Variants in KMT5C observed in about 807,000 individuals in gnomAD.
The protein encoded by KMT5C is lysine methyltransferase 5C, also known as histone-lysine N-methyltransferase KMT5C.
In KMT5C, 16 loss-of-function variants were observed where a neutral mutation model predicts 38.2. The observed-to-expected ratio is 0.42, with a 90% confidence interval of 0.28 to 0.64. The LOEUF (loss-of-function observed/expected upper bound fraction) is 0.64, where lower values mean the gene tolerates loss of function less well. Ranked by LOEUF, KMT5C falls within the 30% of genes least tolerant of loss-of-function variation. The pLI, the probability that KMT5C is intolerant of heterozygous loss-of-function variation, is 0.23. For missense variants in KMT5C, 598 were observed against 665.1 expected, an observed-to-expected ratio of 0.90 and a Z score of 1.11; for synonymous variants, 291 against 279.0, an observed-to-expected ratio of 1.04 and a Z score of -0.43.
rs1569022774 is a variant in KMT5C at position 55,347,028 on chromosome 19, T to C, written c.968T>C (p.Leu323Pro). ...ACCTCACCCCTCTGGCTCCAGTGGC[T>C]GCCTCAGCCCCAGCCCCGAGTGCGG... ...PDTSPLWLQW[L>P]PQPQPRVRPR... Residue 323 changes from leucine (L) to proline (P), a missense_variant, in exon 9 of 9, where the codon CTG (leucine) becomes CCG (proline). Transcript: ENST00000255613. This position sits in a 1 kb window ranked among gnomAD's most constrained non-coding sequence, Gnocchi z 4.6. 7 of 1,488,592 alleles carry C rather than the reference T, an allele frequency of 4.7e-6. No individual in the cohort carries two copies. The South Asian group carries it at 7.9e-5, about 17-fold the overall frequency. 92.2% of individuals were successfully genotyped at this position (1,488,592 alleles called of 1,614,324 possible).
At position 55,347,300 on chromosome 19, in the gene KMT5C, C is replaced by G. The variant is rs570501553; in HGVS notation, c.1240C>G (p.Pro414Ala). Residue 414 changes from proline (P) to alanine (A), a missense_variant, in exon 9 of 9, where the codon CCA (proline) becomes GCA (alanine). Pro to Ala is a conservative substitution (Grantham distance 27). Transcript: ENST00000255613. This position sits in a 1 kb window ranked among gnomAD's most constrained non-coding sequence, Gnocchi z 4.6. ...CCTTCGTCGCCTGGCCCCAGCCCCACCAGCTACCCCAGCCCCTGCTGGGAC... is the reference window on the plus strand; with the variant it reads ...CCTTCGTCGCCTGGCCCCAGCCCCAGCAGCTACCCCAGCCCCTGCTGGGAC... Reference protein sequence around the residue: ...VDLRRLAPAPPATPAPAGTPG... With the variant: ...VDLRRLAPAPAATPAPAGTPG... 1 of 1,569,408 alleles carries G rather than the reference C, an allele frequency of 6.4e-7. No homozygotes were observed. Among genetic ancestry groups the G allele is most frequent in the Non-Finnish European group, 8.6e-7 (1 of 1,160,758 alleles).
In KMT5C at chr19:55,347,058, G is replaced by C. The variant is rs572546578; in HGVS notation, c.998G>C (p.Arg333Pro). ...CAGCCCCAGCCCCGAGTGCGGCCCC[G>C]GAAGCGCCGACGCCCCCGGCCCCGG... The part of the protein sequence containing the change: ...LPQPQPRVRP[R>P]KRRRPRPRRA... Residue 333 changes from arginine to proline, a missense_variant, in exon 9 of 9, where the codon CGG becomes CCG. Physicochemically the swap from Arg to Pro is moderately radical, Grantham distance 103. Transcript: ENST00000255613. This position sits in a 1 kb window ranked among gnomAD's most constrained non-coding sequence, Gnocchi z 4.6. The C allele has an allele frequency of 2.5e-6, 4 of 1,578,520 alleles. No individual in the cohort carries two copies. In the Admixed American group the frequency reaches 6.8e-5, roughly 27 times the overall value.
At chr19:55,341,022 T>C (rs1412494623) in intron 1 of KMT5C, among the ~76,000 whole-genome samples, 1 of 151,974 alleles carries the variant, frequency 6.6e-6, no homozygotes, top group Non-Finnish European at 1.5e-5. Flanking sequence ...CTGCCCCATC[T>C]CCTCCTCTCC....
In KMT5C at chr19:55,343,770, C is replaced by T. The variant is rs1225373864; in HGVS notation, c.477C>T (p.Asp159=). Residue 159 remains aspartate (D), a synonymous_variant, in exon 5 of 9, where the codon GAC becomes GAT. Transcript: ENST00000255613. The surrounding 1 kb of genome is among the most constrained non-coding windows in gnomAD (Gnocchi z 5.5). ...GGCTGCTGAGGGCCGGTGAGAATGA[C>T]TTCAGCATCATGTACTCAACCCGCA... The part of the protein sequence containing the change: ...DEGLLRAGEN[D]FSIMYSTRKR... The T allele has an allele frequency of 2.7e-5, 44 of 1,610,934 alleles. No homozygotes were observed. The highest frequency in any genetic ancestry group is 3.6e-5 in the Non-Finnish European group (42 of 1,178,706).
chr19:55,343,752 G>T lies in KMT5C; in HGVS notation c.459G>T (p.Leu153=). The T allele has an allele frequency of 6.2e-7, 1 of 1,600,986 alleles. No individual in the cohort carries two copies. The highest frequency in any genetic ancestry group is 2.3e-5 in the East Asian group (1 of 44,150). ...TGCGGGAGGCAGATGAGGGGCTGCT[G>T]AGGGCCGGTGAGAATGACTTCAGCA... ...AELREADEGL[L]RAGENDFSIM... is the part of the protein sequence containing the mutation. The change falls in exon 5 of 9, where the codon CTG becomes CTT. Residue 153 remains leucine, a synonymous_variant. Transcript: ENST00000255613. This position sits in a 1 kb window ranked among gnomAD's most constrained non-coding sequence, Gnocchi z 5.5.
chr19:55,344,259 G>A, intron 6 of KMT5C: 1 of 354,574 alleles, frequency 2.8e-6, no homozygotes, highest in Non-Finnish European at 5.3e-6. Flanking sequence ...CTACTTGGGA[G>A]GCTGAGGCAG....
At chr19:55,341,704 G>A in intron 1 of KMT5C, 90 bp from the exon 2 acceptor site, 1 of 570,204 alleles carries the variant, frequency 1.8e-6, no homozygotes, top group Non-Finnish European at 3.1e-6. Context: ...ACATGGCTCT[G>A]GGCTTTCCCT....
chr19:55,343,867 G>A lies in KMT5C; in HGVS notation c.550+24G>A. On this transcript the variant is annotated intron_variant, in intron 5 of 8. Transcript: ENST00000255613. The surrounding 1 kb of genome is among the most constrained non-coding windows in gnomAD (Gnocchi z 5.5). Reference sequence around the variant, plus strand: ...TGGTGAGGGTCAGGCAGGTGGATGGGCAGGACGGGATAGAGCCAGGCAGGG... The same window carrying A: ...TGGTGAGGGTCAGGCAGGTGGATGGACAGGACGGGATAGAGCCAGGCAGGG... The A allele has an allele frequency of 6.2e-7, 1 of 1,612,952 alleles. No homozygotes were observed. Among genetic ancestry groups the A allele is most frequent in the Non-Finnish European group, 8.5e-7 (1 of 1,179,222 alleles).
At chr19:55,342,106 C>T (rs2089564175) in intron 2 of KMT5C, 60 bp downstream of exon 2, 1 of 1,574,466 alleles carries the variant, frequency 6.4e-7, no homozygotes, top group Non-Finnish European at 8.7e-7. Context: ...CCTTGCACCG[C>T]TGCCGCCCCT....
At chr19:55,344,511 C>T (rs974455481) in intron 6 of KMT5C, 2 of 365,162 alleles carry the variant, frequency 5.5e-6, no homozygotes, top group Non-Finnish European at 1.1e-5. Flanking sequence ...GCTGTTTGTG[C>T]AGTTGCACTG....
chr19:55,344,245 T>C (rs911659282), intron 6 of KMT5C: 3 of 371,104 alleles, frequency 8.1e-6, no homozygotes, highest in Non-Finnish European at 1.5e-5. Flanking sequence ...GCCTGTAGTC[T>C]CAGCTACTTG....
chr19:55,340,301 CA>C (rs1242914086), intron 1 of KMT5C, among the ~76,000 whole-genome samples: 1 of 151,642 alleles, frequency 6.6e-6, no homozygotes. Flanking sequence ...CCTGCACCCC[CA>C]GGTCTCTCCC....
At chr19:55,346,021 A>G (rs1257894902) in intron 6 of KMT5C, 192 bp from the exon 7 acceptor site, 1 of 627,098 alleles carries the variant, frequency 1.6e-6, no homozygotes, top group African/African-American at 1.8e-5. Flanking sequence ...CAGTGGGTGG[A>G]TTGTCCAGGG....
At chr19:55,346,459 C>G in intron 7 of KMT5C, 41 bp from the exon 8 acceptor site, 2 of 1,597,342 alleles carry the variant, frequency 1.3e-6, no homozygotes, top group Non-Finnish European at 1.7e-6. Context: ...CTCTCATCTC[C>G]CTTCCACCCG....
Position 55,347,268 on chromosome 19 carries a change from G to A in KMT5C, c.1208G>A (p.Arg403His), listed in dbSNP as rs372749465. Residue 403 changes from arginine to histidine, a missense_variant, in exon 9 of 9, where the codon CGT becomes CAT. By Grantham distance (29) the Arg-to-His change is conservative. Coordinates refer to ENST00000255613, the MANE Select transcript of KMT5C (RefSeq NM_032701.4). The surrounding 1 kb of genome is among the most constrained non-coding windows in gnomAD (Gnocchi z 4.6). ...CGCTATGGGCTGCCTTACGTGGTGC[G>A]TGTGGACCTTCGTCGCCTGGCCCCA... is the stretch of plus-strand genomic sequence containing the variant. Reference protein sequence around the residue: ...ARRYGLPYVVRVDLRRLAPAP... With the variant: ...ARRYGLPYVVHVDLRRLAPAP... 9 of 1,555,598 alleles carry A rather than the reference G, an allele frequency of 5.8e-6. No homozygotes were observed. The highest frequency in any genetic ancestry group is 3.5e-5 in the South Asian group (3 of 85,068).
At chr19:55,345,054 G>GA (rs766844543) in intron 6 of KMT5C, 55 of 456,104 alleles carry the variant, frequency 1.2e-4, no homozygotes, top group South Asian at 6.5e-4. Flanking sequence ...CGCTGGGGGG[G>GA]ATGGAAACAA....
chr19:55,340,270 A>C (rs1600259336), intron 1 of KMT5C, among the ~76,000 whole-genome samples: 7 of 125,634 alleles, frequency 5.6e-5, no homozygotes, highest in Admixed American at 1.6e-4. Flanking sequence ...CCTTTCCCTG[A>C]CCTCACCCTC....
At position 55,347,029 on chromosome 19, in the gene KMT5C, G is replaced by A; in HGVS notation, c.969G>A (p.Leu323=). ...CCTCACCCCTCTGGCTCCAGTGGCT[G>A]CCTCAGCCCCAGCCCCGAGTGCGGC... ...PDTSPLWLQW[L]PQPQPRVRPR... The change falls in exon 9 of 9, where the codon CTG becomes CTA. Residue 323 remains leucine, a synonymous_variant. Transcript: ENST00000255613. This position sits in a 1 kb window ranked among gnomAD's most constrained non-coding sequence, Gnocchi z 4.6. The A allele has an allele frequency of 6.7e-7, 1 of 1,492,040 alleles. No homozygotes were observed. The highest frequency in any genetic ancestry group is 9.2e-7 in the Non-Finnish European group (1 of 1,085,106). 92.4% of individuals were successfully genotyped at this position (1,492,040 alleles called of 1,614,324 possible). A position where few individuals can be genotyped will look rare whatever the true frequency, so the allele number is the denominator to read the frequency against.
chr19:55,343,575 G>A lies in KMT5C; in HGVS notation c.387-105G>A, dbSNP rs892094198. On this transcript the variant is annotated intron_variant, in intron 4 of 8. Transcript: ENST00000255613. The surrounding 1 kb of genome is among the most constrained non-coding windows in gnomAD (Gnocchi z 5.5). ...CGCCAATAGCCAGCACCAGCGCCCA[G>A]GAGTCCCTCCTTCCTGGGTGCCTCT... The A allele has an allele frequency of 6.2e-6, 7 of 1,124,224 alleles. No individual in the cohort carries two copies. The African/African-American group carries it at 1.1e-4, about 17-fold the overall frequency. The allele number at this position is 1,124,224 out of a possible 1,614,324, so 69.6% of individuals were successfully genotyped here.
Sources: allele counts gnomAD v4.1 joint callset (sites outside exome capture counted in the v4.1 genomes callset), GRCh38; gene constraint gnomAD v4.1.1; non-coding constraint Gnocchi (gnomAD v3.1); transcripts MANE v1.5; gene names NCBI Gene and HGNC (gene_info 2026-07-23, HGNC 2026-07-21).